The following MTMR14 variants were observed in gnomAD, a reference collection of about 807,000 sequenced individuals.
The protein encoded by MTMR14 is phosphatidylinositol-3,5-bisphosphate 3-phosphatase MTMR14.
MTMR14 carries 48 observed loss-of-function variants against 86.3 expected under a neutral mutation model. That is an observed-to-expected ratio of 0.56 (90% CI 0.44 to 0.71). The LOEUF is 0.71. Among genes scored for constraint, MTMR14 ranks in the 30% least tolerant of loss-of-function variants. The pLI, the probability that MTMR14 is intolerant of heterozygous loss-of-function variation, is 0.00. For synonymous variants in MTMR14, 366 were observed against 326.1 expected (o/e 1.12, Z -1.32); for missense variants, 780 against 834.6 (o/e 0.93, Z 0.81).
At chr3:9,693,931 A>G (rs570450974) in intron 17 of MTMR14, among the ~76,000 whole-genome samples, 48 of 152,194 alleles carry the variant, frequency 3.2e-4, no homozygotes, top group African/African-American at 1.1e-3. Context: ...TTCCAGCTCT[A>G]TTTCCCCGTA....
At chr3:9,662,626 C>T (rs1324092362) in intron 3 of MTMR14, among the ~76,000 whole-genome samples, 1 of 152,166 alleles carries the variant, frequency 6.6e-6, no homozygotes, top group Admixed American at 6.5e-5. Context: ...CAGATCCTGA[C>T]TCTTATTTCC....
chr3:9,687,783 G>A lies in MTMR14; in HGVS notation c.1165-38G>A, dbSNP rs758482695. 1.8e-5 allele frequency: 28 copies of A among 1,545,606 alleles called. No individual in the cohort carries two copies. The South Asian group carries it at 3.0e-4, about 16-fold the overall frequency. On this transcript the variant is annotated intron_variant, in intron 13 of 18. Coordinates refer to ENST00000296003, the MANE Select transcript of MTMR14 (RefSeq NM_001077525.3). The stretch of plus-strand genomic sequence containing the variant: ...CTCCCCTGGGAGTTCTGCTGCCTTG[G>A]TTCTTCTCATTGTGCGCTGCTCTTT...
chr3:9,663,097 T>C (rs755901573), intron 3 of MTMR14, among the ~76,000 whole-genome samples: 2 of 152,132 alleles, frequency 1.3e-5, no homozygotes, highest in Non-Finnish European at 2.9e-5. Context: ...GGAGAGCCAT[T>C]GTGACGTTTG....
Position 9,677,194 on chromosome 3 carries a change from T to C in MTMR14, c.752-123T>C, listed in dbSNP as rs1170102875. On this transcript the variant is annotated intron_variant, in intron 7 of 18. Coordinates refer to ENST00000296003, the MANE Select transcript of MTMR14 (RefSeq NM_001077525.3). This position sits in a 1 kb window ranked among gnomAD's most constrained non-coding sequence, Gnocchi z 4.2. ...CCTTGGCCTCACTGAAGCCACTAGCTTGGAGAAGTGTGAGTTGGCGGCCCC... is the reference window on the plus strand; with the variant it reads ...CCTTGGCCTCACTGAAGCCACTAGCCTGGAGAAGTGTGAGTTGGCGGCCCC... The C allele has an allele frequency of 3.6e-6, 3 of 828,408 alleles. No homozygotes were observed. Among genetic ancestry groups the C allele is most frequent in the Admixed American group, 2.0e-5 (1 of 51,022 alleles). 51.3% of individuals were successfully genotyped at this position (828,408 alleles called of 1,614,324 possible).
chr3:9,697,745 T>C lies in MTMR14; in HGVS notation c.1648T>C (p.Ser550Pro), dbSNP rs1195671879. The C allele has an allele frequency of 3.1e-6, 5 of 1,613,972 alleles. No individual in the cohort carries two copies. In the African/African-American group the frequency reaches 5.3e-5, roughly 17 times the overall value. Residue 550 changes from serine to proline, a missense_variant, in exon 18 of 19, where the codon TCC (serine) becomes CCC (proline). Physicochemically the swap from Ser to Pro is moderately conservative, Grantham distance 74. Coordinates refer to ENST00000296003, the MANE Select transcript of MTMR14 (RefSeq NM_001077525.3). Reference protein sequence around the residue: ...VDHPLPGSSLSTDYGSWQMVT... With the variant: ...VDHPLPGSSLPTDYGSWQMVT... ...CCATCCCCTGCCCGGATCCTCTCTC[T>C]CCACAGACTATGGCAGCTGGCAGAT...
In MTMR14 at chr3:9,688,754, A is replaced by C. The variant is rs751647932; in HGVS notation, c.1294A>C (p.Arg432=). The part of the protein sequence containing the change: ...GFTLEDICML[R]RKDRGSTTSL... ...CACCCTGGAAGACATCTGCATGCTG[A>C]GTGAGTCCTGGGCCCCAACAGACTT... The change falls in exon 15 of 19, where the codon AGA becomes CGA. Residue 432 remains arginine, a splice_region_variant and synonymous_variant. Transcript: ENST00000296003. The C allele has an allele frequency of 1.2e-6, 2 of 1,613,938 alleles. No individual in the cohort carries two copies. Among genetic ancestry groups the C allele is most frequent in the Non-Finnish European group, 1.7e-6 (2 of 1,179,992 alleles).
chr3:9,683,501 G>A (rs2075838672), intron 10 of MTMR14: 1 of 478,150 alleles, frequency 2.1e-6, no homozygotes, highest in Non-Finnish European at 3.8e-6. Flanking sequence ...TTTTCACACT[G>A]TCTCAGCATT....
chr3:9,686,310 C>G (rs1015886147), intron 13 of MTMR14, among the ~76,000 whole-genome samples: 3 of 152,200 alleles, frequency 2.0e-5, no homozygotes, highest in Admixed American at 6.5e-5. Flanking sequence ...GGGACTTTCC[C>G]GGAGCTCTGG....
chr3:9,684,722 T>G, intron 11 of MTMR14, 52 bp downstream of exon 11: 2 of 1,602,622 alleles, frequency 1.2e-6, no homozygotes, highest in Non-Finnish European at 1.7e-6. Flanking sequence ...GTGTTAGGAT[T>G]GTCTCCAGAC....
chr3:9,669,482 T>C lies in MTMR14; in HGVS notation c.544T>C (p.Cys182Arg). The change falls in exon 5 of 19, where the codon TGT (cysteine) becomes CGT (arginine). Residue 182 changes from cysteine (C) to arginine (R), a missense_variant. Cys to Arg is a radical substitution (Grantham distance 180). Transcript: ENST00000296003. ...ADVEDVTEED[C>R]ALRSGDTHLF... ...TGTGGAGGACGTCACGGAGGAGGACTGTGCTCTTCGGTCAGTGCTGGGTTG... is the reference window on the plus strand; with the variant it reads ...TGTGGAGGACGTCACGGAGGAGGACCGTGCTCTTCGGTCAGTGCTGGGTTG... 1.2e-6 allele frequency: 2 copies of C among 1,613,518 alleles called. No individual in the cohort carries two copies. Among genetic ancestry groups the C allele is most frequent in the South Asian group, 2.2e-5 (2 of 91,028 alleles).
intron 1 of MTMR14, among the ~76,000 whole-genome samples, chr3:9,651,739 C>T (rs1028861528): frequency 3.9e-5 from 6 of 151,960 alleles, no homozygotes; most frequent in African/African-American, 1.5e-4. Flanking sequence ...GATCTTGGCT[C>T]GCTGCAACTT....
intron 3 of MTMR14, among the ~76,000 whole-genome samples, chr3:9,663,341 ACT>A (rs1375618694): frequency 6.6e-6 from 1 of 151,354 alleles, no homozygotes; most frequent in Admixed American, 6.6e-5. Flanking sequence ...AGGAAGGGAG[ACT>A]CTGCCAAAAG....
rs145059979 is a variant in MTMR14 at position 9,675,118 on chromosome 3, A to G, written c.752-2199A>G. Among the ~76,000 whole-genome samples, 83 of 152,298 alleles carry G rather than the reference A, an allele frequency of 5.4e-4. 2 individuals are homozygous for G. The East Asian group carries it at 0.015, about 27-fold the overall frequency. On this transcript the variant is annotated intron_variant, in intron 7 of 18. Transcript: ENST00000296003. ...AAGAGGGAAACTCCGTCTCAAAACA[A>G]AAATAAAAACAAAAACAAATAAAAG...
chr3:9,667,576 C>CAGGA (rs1358284041), intron 3 of MTMR14, among the ~76,000 whole-genome samples: 1 of 152,090 alleles, frequency 6.6e-6, no homozygotes, highest in Non-Finnish European at 1.5e-5. Flanking sequence ...GGTAGGCTTC[C>CAGGA]TCAGTAGGCT....
At chr3:9,691,756 C>A (rs1242731272) in intron 17 of MTMR14, among the ~76,000 whole-genome samples, 3 of 152,152 alleles carry the variant, frequency 2.0e-5, no homozygotes, top group Non-Finnish European at 4.4e-5. Context: ...AGGATGGCCA[C>A]CAAGGCCCCC....
At chr3:9,669,955 G>A (rs1380054579) in intron 5 of MTMR14, among the ~76,000 whole-genome samples, 2 of 152,222 alleles carry the variant, frequency 1.3e-5, no homozygotes, top group Non-Finnish European at 2.9e-5. Context: ...GAGACCAGAT[G>A]TGTCACAGCT....
intron 4 of MTMR14, among the ~76,000 whole-genome samples, chr3:9,668,995 C>T (rs1432706707): frequency 1.3e-5 from 2 of 152,046 alleles, no homozygotes; most frequent in Non-Finnish European, 2.9e-5. Flanking sequence ...CAAAAATTTG[C>T]CGGGTGTGGT....
At chr3:9,696,269 A>G (rs973902258) in intron 17 of MTMR14, among the ~76,000 whole-genome samples, 1 of 152,172 alleles carries the variant, frequency 6.6e-6, no homozygotes, top group African/African-American at 2.4e-5. Context: ...AGGCTGAGGC[A>G]GGCGGATCAC....
chr3:9,700,506 G>A (rs373576685), intron 18 of MTMR14: 2 of 152,048 alleles, frequency 1.3e-5, no homozygotes, highest in South Asian at 2.1e-4. Context: ...CCTGAGTTGT[G>A]CGCACTTGTT....
Sources: allele counts gnomAD v4.1 joint callset (sites outside exome capture counted in the v4.1 genomes callset), GRCh38; gene constraint gnomAD v4.1.1; non-coding constraint Gnocchi (gnomAD v3.1); transcripts MANE v1.5; gene names NCBI Gene and HGNC (gene_info 2026-07-23, HGNC 2026-07-21).